The following CCDC88C variants were observed in gnomAD, a reference collection of about 807,000 sequenced individuals.
CCDC88C encodes the protein protein Daple.
A neutral mutation model predicts 198.8 loss-of-function variants in CCDC88C; 131 were observed. That is an observed-to-expected ratio of 0.66 (90% confidence interval 0.57 to 0.76). CCDC88C has a LOEUF of 0.76. Ranked by LOEUF, CCDC88C falls within the 30% of genes least tolerant of loss-of-function variation. CCDC88C has a pLI of 0.00. For missense variants in CCDC88C, 2,553 were observed against 2,631.6 expected (o/e 0.97, Z 0.65); for synonymous variants, 1,166 against 1,114.7 (o/e 1.05, Z -0.92).
At chr14:91,401,945 C>G (rs2140002641) in intron 3 of CCDC88C, among the ~76,000 whole-genome samples, 1 of 152,258 alleles carries the variant, frequency 6.6e-6, no homozygotes, top group African/African-American at 2.4e-5. Flanking sequence ...GTTCTTTCCA[C>G]CAACAATGTC....
intron 6 of CCDC88C, among the ~76,000 whole-genome samples, chr14:91,340,544 T>C (rs1439844695): frequency 6.6e-6 from 1 of 152,198 alleles, no homozygotes; most frequent in African/African-American, 2.4e-5. Flanking sequence ...AGACAGCCTC[T>C]TTGTGCCCCT....
chr14:91,363,205 T>C (rs1475581749), intron 3 of CCDC88C, among the ~76,000 whole-genome samples: 2 of 152,146 alleles, frequency 1.3e-5, no homozygotes. Context: ...GTGAAAATAT[T>C]CAACTTTAAT....
In CCDC88C at chr14:91,305,896, G is replaced by A. The variant is rs781216514; in HGVS notation, c.3226C>T (p.Leu1076=). Reference sequence around the variant, plus strand: ...TCCAGGTGCTGCAGCTGTTCCTTTAGCAGCTGCTTCTCAGCCTGCAGAGCT... The same window carrying A: ...TCCAGGTGCTGCAGCTGTTCCTTTAACAGCTGCTTCTCAGCCTGCAGAGCT... ...NAALQAEKQL[L]KEQLQHLETQ... is the part of the protein sequence containing the mutation. Residue 1076 remains leucine (L), a synonymous_variant, in exon 19 of 30, where the codon CTA becomes TTA. Transcript: ENST00000389857. 1.7e-5 allele frequency: 27 copies of A among 1,613,626 alleles called. No individual in the cohort carries two copies. The South Asian group carries it at 2.5e-4, about 15-fold the overall frequency.
chr14:91,370,668 G>A (rs551532598), intron 3 of CCDC88C, among the ~76,000 whole-genome samples: 5 of 152,318 alleles, frequency 3.3e-5, no homozygotes, highest in South Asian at 4.1e-4. Context: ...TCTCTGCATC[G>A]GGCTTTAGGA....
At chr14:91,336,035 G>C (rs1303506652) in intron 10 of CCDC88C, among the ~76,000 whole-genome samples, 1 of 152,200 alleles carries the variant, frequency 6.6e-6, no homozygotes, top group Non-Finnish European at 1.5e-5. Context: ...CTCATGCAGA[G>C]AGACACTATT....
rs772521813 is a variant in CCDC88C, at chr14:91,285,827, C to G, written c.4442-2310G>C. 6 of 1,287,052 alleles carry G rather than the reference C, an allele frequency of 4.7e-6. No homozygotes were observed. In the East Asian group the frequency reaches 3.3e-4, roughly 71 times the overall value. The allele number at this position is 1,287,052 out of a possible 1,614,324, so 79.7% of individuals were successfully genotyped here. ...GCTTTTCAAAAAGGGACTCTTTTTG[C>G]GCGGAGGTGCTAAATTGTTATCAAT... On this transcript the variant is annotated intron_variant, in intron 25 of 29. Transcript: ENST00000389857.
intron 13 of CCDC88C, among the ~76,000 whole-genome samples, chr14:91,316,426 C>CT (rs202166017): frequency 0.027 from 3,881 of 146,010 alleles, 138 homozygotes; most frequent in African/African-American, 0.076. Flanking sequence ...CTGACTCAAC[C>CT]TTTTTTTTTT....
At chr14:91,304,124 G>C (rs1220046588) in intron 19 of CCDC88C, 146 bp from the exon 20 acceptor site, 4 of 889,526 alleles carry the variant, frequency 4.5e-6, no homozygotes, top group Non-Finnish European at 6.8e-6. Flanking sequence ...GGCTGTTCCA[G>C]AACTTAAGCA....
Position 91,321,299 on chromosome 14 carries a change from T to C in CCDC88C, c.1348A>G (p.Arg450Gly). The C allele has an allele frequency of 6.4e-7, 1 of 1,553,598 alleles. No individual in the cohort carries two copies. The highest frequency in any genetic ancestry group is 8.7e-7 in the Non-Finnish European group (1 of 1,148,220). ...TTCAGCTCAAACACAAACGACTTCC[T>C]GGAGGCTGAAGACAAAGTCCAGTCA... ...SKNADLSDAS[R>G]KSFVFELNEC... is the part of the protein sequence containing the mutation. The change falls in exon 13 of 30, where the codon AGG (arginine) becomes GGG (glycine). Residue 450 changes from arginine (R) to glycine (G), a missense_variant. Physicochemically the swap from Arg to Gly is moderately radical, Grantham distance 125. Around this residue, in one of 2 missense-constraint regions of CCDC88C, gnomAD observed 1,260 missense variants for 1,412.0 expected, o/e 0.89. Transcript: ENST00000389857.
At position 91,277,983 on chromosome 14, in the gene CCDC88C, C is replaced by A; in HGVS notation, c.4997G>T (p.Ser1666Ile). ...CTCCTCCAAGGTGACCATCTCACTGCTGGGGGAGGCCGAGCAGGGCCGCAC... is the reference window on the plus strand; with the variant it reads ...CTCCTCCAAGGTGACCATCTCACTGATGGGGGAGGCCGAGCAGGGCCGCAC... Reference protein sequence around the residue: ...VGVRPCSASPSSEMVTLEEFL... With the variant: ...VGVRPCSASPISEMVTLEEFL... Residue 1666 changes from serine (S) to isoleucine (I), a missense_variant, in exon 29 of 30, where the codon AGC becomes ATC. Ser to Ile is a moderately radical substitution (Grantham distance 142). Around this residue, in one of 2 missense-constraint regions of CCDC88C, gnomAD observed 1,293 missense variants for 1,219.6 expected, o/e 1.06. Transcript: ENST00000389857. 1 of 1,563,522 alleles carries A rather than the reference C, an allele frequency of 6.4e-7. No homozygotes were observed.
chr14:91,290,744 C>T (rs1219159532), intron 24 of CCDC88C, among the ~76,000 whole-genome samples: 1 of 152,162 alleles, frequency 6.6e-6, no homozygotes, highest in Non-Finnish European at 1.5e-5. Context: ...GGATGCTCTG[C>T]CCCCTTAAAA....
intron 3 of CCDC88C, among the ~76,000 whole-genome samples, chr14:91,389,415 T>C (rs1222767987): frequency 1.3e-5 from 2 of 152,154 alleles, no homozygotes; most frequent in African/African-American, 4.8e-5. Context: ...AGGTTTCAAG[T>C]AGAAAGGGAT....
intron 1 of CCDC88C, chr14:91,417,265 T>C: frequency 1.4e-6 from 1 of 693,538 alleles, no homozygotes; most frequent in Non-Finnish European, 2.6e-6. Flanking sequence ...GATATTTGGT[T>C]GGGAAGAATG....
intron 29 of CCDC88C, among the ~76,000 whole-genome samples, chr14:91,277,461 T>C (rs1371574251): frequency 1.3e-5 from 2 of 152,232 alleles, no homozygotes; most frequent in Non-Finnish European, 2.9e-5. Flanking sequence ...TAGGATCAAG[T>C]GTCTGCTTTC....
At chr14:91,393,377 CA>C (rs1274009357) in intron 3 of CCDC88C, among the ~76,000 whole-genome samples, 2 of 152,182 alleles carry the variant, frequency 1.3e-5, no homozygotes, top group East Asian at 3.9e-4. Flanking sequence ...GCAGATGAGG[CA>C]GAGGCAACCT....
In CCDC88C at chr14:91,321,185, C is replaced by T; in HGVS notation, c.1462G>A (p.Val488Met). The T allele has an allele frequency of 6.2e-7, 1 of 1,613,076 alleles. No individual in the cohort carries two copies. Among genetic ancestry groups the T allele is most frequent in the Non-Finnish European group, 8.5e-7 (1 of 1,179,580 alleles). Residue 488 changes from valine to methionine, a missense_variant, in exon 13 of 30, where the codon GTG (valine) becomes ATG (methionine). Val to Met is a conservative substitution (Grantham distance 21). Coordinates refer to ENST00000389857, the MANE Select transcript of CCDC88C (RefSeq NM_001080414.4). ...CACTTGAGGCCGCTCTCCTCCAACA[C>T]CAGGGACGCGTCCCGCAGCCCCTGG... ...TIQGLRDASL[V>M]LEESGLKCGE...
chr14:91,302,453 C>T (rs1379187243), intron 20 of CCDC88C, among the ~76,000 whole-genome samples: 1 of 152,204 alleles, frequency 6.6e-6, no homozygotes, highest in East Asian at 1.9e-4. Context: ...TCTCCTAGCC[C>T]TCCCTGGATC....
chr14:91,295,211 C>T lies in CCDC88C; in HGVS notation c.3967-893G>A, dbSNP rs115018761. Among the ~76,000 whole-genome samples, 809 of 152,270 alleles carry T rather than the reference C, an allele frequency of 5.3e-3. 6 individuals are homozygous for T. The highest frequency in any genetic ancestry group is 0.019 in the African/African-American group (779 of 41,536). Reference sequence around the variant, plus strand: ...ATTAAAAGAAAAACCAAAATTCTACCTGTTTTTAATATAATTATACATAAT... The same window carrying T: ...ATTAAAAGAAAAACCAAAATTCTACTTGTTTTTAATATAATTATACATAAT... On this transcript the variant is annotated intron_variant, in intron 22 of 29. Transcript: ENST00000389857.
At chr14:91,378,341 G>GC (rs1460204065) in intron 3 of CCDC88C, among the ~76,000 whole-genome samples, 1 of 152,174 alleles carries the variant, frequency 6.6e-6, no homozygotes, top group Non-Finnish European at 1.5e-5. Context: ...TGAACGCCAG[G>GC]CCATCACAGC....
Sources: gnomAD v4.1 joint callset for allele counts (sites outside exome capture counted in the v4.1 genomes callset) on GRCh38, gnomAD v4.1.1 for gene constraint, gnomAD v4.1.1 regional missense constraint, MANE v1.5 for transcripts, NCBI Gene and HGNC (gene_info 2026-07-23, HGNC 2026-07-21) for gene names.